The following PCDHA5 variants were observed in gnomAD, a reference collection of about 807,000 sequenced individuals.
The protein encoded by PCDHA5 is protocadherin alpha-5.
In PCDHA5, 43 loss-of-function variants were observed where a neutral mutation model predicts 61.6. The ratio of observed to expected loss-of-function variants is 0.70; its 90% CI spans 0.55 to 0.90. PCDHA5 has a LOEUF of 0.90. Among genes scored for constraint, PCDHA5 ranks in the 40% least tolerant of loss-of-function variants. PCDHA5 has a pLI of 0.00. For missense variants in PCDHA5, 1,298 were observed against 1,222.7 expected (o/e 1.06, Z -0.92); for synonymous variants, 627 against 543.9 (o/e 1.15, Z -2.13).
chr5:140,857,949 G>A (rs1554150927), intron 1 of PCDHA5: 3 of 1,597,424 alleles, frequency 1.9e-6, no homozygotes, highest in Non-Finnish European at 2.6e-6. Flanking sequence ...AGTACGACGC[G>A]CGCTCTGGAT....
At chr5:140,841,792 G>A in intron 1 of PCDHA5, 1 of 1,613,916 alleles carries the variant, frequency 6.2e-7, no homozygotes, top group Non-Finnish European at 8.5e-7. Flanking sequence ...TAGAGGGCGC[G>A]TCCGATGCAG....
At chr5:141,004,843 A>G (rs2098184369) in intron 3 of PCDHA5, among the ~76,000 whole-genome samples, 1 of 152,230 alleles carries the variant, frequency 6.6e-6, no homozygotes, top group African/African-American at 2.4e-5. Context: ...CAAAGTCATT[A>G]GTCTCAGAGA....
At position 140,875,798 on chromosome 5, in the gene PCDHA5, T is replaced by C. The variant is rs377753022; in HGVS notation, c.2352+51671T>C. On this transcript the variant is annotated intron_variant, in intron 1 of 3. Coordinates refer to ENST00000529859, the MANE Select transcript of PCDHA5 (RefSeq NM_018908.3). ...GAGTGCAGTATCCACCTGGAGGTGATCGTGGACAGGCCGCTGCAGGTTTTC... is the reference window on the plus strand; with the variant it reads ...GAGTGCAGTATCCACCTGGAGGTGACCGTGGACAGGCCGCTGCAGGTTTTC... 1.5e-5 allele frequency: 24 copies of C among 1,614,138 alleles called. No individual in the cohort carries two copies. In the African/African-American group the frequency reaches 3.1e-4, roughly 21 times the overall value.
At chr5:140,852,799 C>A in intron 1 of PCDHA5, 3 of 976,698 alleles carry the variant, frequency 3.1e-6, no homozygotes, top group Non-Finnish European at 3.7e-6. Context: ...CTACAGATGT[C>A]ATTTGTCTCC....
rs2150255716 is a variant in PCDHA5 at position 140,836,221 on chromosome 5, C to T, written c.2352+12094C>T. ...GCGTGGCTTTCGTATGAGTTGCAAC[C>T]GGTGGCGGCCGGTGCGAGCATCCCG... On this transcript the variant is annotated intron_variant, in intron 1 of 3. Transcript: ENST00000529859. 9.9e-6 allele frequency: 16 copies of T among 1,613,802 alleles called. No homozygotes were observed. In the Admixed American group the frequency reaches 2.0e-4, roughly 20 times the overall value.
intron 1 of PCDHA5, among the ~76,000 whole-genome samples, chr5:140,901,744 A>G (rs781984509): frequency 1.3e-5 from 2 of 152,144 alleles, no homozygotes; most frequent in Non-Finnish European, 2.9e-5. Context: ...AAGAATGTCC[A>G]TGGTATTTTG....
intron 1 of PCDHA5, chr5:140,882,941 A>G (rs2059372388): frequency 6.2e-7 from 1 of 1,614,128 alleles, no homozygotes; most frequent in African/African-American, 1.3e-5. Context: ...GCTGACTGGC[A>G]CAGTTCAGCT....
chr5:140,850,864 C>T, intron 1 of PCDHA5: 1 of 1,593,486 alleles, frequency 6.3e-7, no homozygotes, highest in Non-Finnish European at 8.6e-7. Context: ...GGAGAACCCT[C>T]TGCTTCCTCA....
At position 140,849,854 on chromosome 5, in the gene PCDHA5, A is replaced by T. The variant is rs1431626107; in HGVS notation, c.2352+25727A>T. 3.8e-6 allele frequency: 6 copies of T among 1,598,364 alleles called. 1 individual carries two copies. Among genetic ancestry groups the T allele is most frequent in the East Asian group, 2.2e-5 (1 of 44,850 alleles). On this transcript the variant is annotated intron_variant, in intron 1 of 3. Coordinates refer to ENST00000529859, the MANE Select transcript of PCDHA5 (RefSeq NM_018908.3). ...TGGCCGACGTGAACGACAACGCACC[A>T]GCGTTCGCGCAGTCCGAGTACACGG...
chr5:140,897,281 C>T lies in PCDHA5; in HGVS notation c.2352+73154C>T, dbSNP rs1583262674. On this transcript the variant is annotated intron_variant, in intron 1 of 3. Coordinates refer to ENST00000529859, the MANE Select transcript of PCDHA5 (RefSeq NM_018908.3). ...ATGTGCCATGCTGGTGTGCTGCACC[C>T]ATTAACTCGTCATTTAGCATTAGGT... Among the ~76,000 whole-genome samples, 6 of 151,664 alleles carry T rather than the reference C, an allele frequency of 4.0e-5. No homozygotes were observed. In the South Asian group the frequency reaches 1.2e-3, roughly 32 times the overall value.
At chr5:140,850,949 A>C in intron 1 of PCDHA5, 1 of 1,501,564 alleles carries the variant, frequency 6.7e-7, no homozygotes, top group Non-Finnish European at 8.9e-7. Flanking sequence ...GATATTATCG[A>C]TTACTCCCAG....
chr5:140,855,992 T>A lies in PCDHA5; in HGVS notation c.2352+31865T>A, dbSNP rs2043714140. On this transcript the variant is annotated intron_variant, in intron 1 of 3. Transcript: ENST00000529859. ...AAGAAATAGGACAGAAAATGTCAGA[T>A]CGTATGTGCGTTCTAGACCGCTGAT... 1.6e-5 allele frequency: 24 copies of A among 1,492,840 alleles called. 4 individuals carry two copies. The highest frequency in any genetic ancestry group is 1.2e-4 in the South Asian group (9 of 76,326). 92.5% of individuals were successfully genotyped at this position (1,492,840 alleles called of 1,614,324 possible).
At position 140,843,090 on chromosome 5, in the gene PCDHA5, T is replaced by A; in HGVS notation, c.2352+18963T>A. The A allele has an allele frequency of 2.5e-6, 4 of 1,595,448 alleles. 1 individual carries two copies. The highest frequency in any genetic ancestry group is 3.4e-6 in the Non-Finnish European group (4 of 1,165,354). ...CCGCGGTCTGTGGGCGCGGGCCACGTGGTAGCGAAGGTGCGCGCAGTGGAC... is the reference window on the plus strand; with the variant it reads ...CCGCGGTCTGTGGGCGCGGGCCACGAGGTAGCGAAGGTGCGCGCAGTGGAC... On this transcript the variant is annotated intron_variant, in intron 1 of 3. Transcript: ENST00000529859.
At chr5:140,884,071 G>C (rs1425122045) in intron 1 of PCDHA5, 7 of 1,613,400 alleles carry the variant, frequency 4.3e-6, no homozygotes, top group African/African-American at 2.7e-5. Context: ...ACGCCGATTC[G>C]GGCTACAATG....
At chr5:140,943,316 A>G (rs1326467105) in intron 1 of PCDHA5, among the ~76,000 whole-genome samples, 3 of 151,868 alleles carry the variant, frequency 2.0e-5, no homozygotes, top group African/African-American at 4.8e-5. Context: ...ATTATTAGCA[A>G]TATTGTGTAG....
chr5:140,914,801 A>G (rs976508278), intron 1 of PCDHA5, among the ~76,000 whole-genome samples: 2 of 152,164 alleles, frequency 1.3e-5, no homozygotes, highest in African/African-American at 4.8e-5. Context: ...TTTTAAACTG[A>G]TGGCAACTTA....
At chr5:140,968,909 G>A (rs782304408) in intron 1 of PCDHA5, 7 of 1,614,172 alleles carry the variant, frequency 4.3e-6, no homozygotes, top group Non-Finnish European at 5.1e-6. Context: ...ATTAAGCACA[G>A]TGTCTTTTAT....
intron 1 of PCDHA5, chr5:140,851,060 C>T (rs2041943229): frequency 1.5e-6 from 2 of 1,374,418 alleles, no homozygotes; most frequent in Admixed American, 2.8e-5. Flanking sequence ...GTCTTGACTT[C>T]TAGTGAGAAT....
At chr5:140,892,445 T>C (rs1177566356) in intron 1 of PCDHA5, among the ~76,000 whole-genome samples, 1 of 152,214 alleles carries the variant, frequency 6.6e-6, no homozygotes, top group Non-Finnish European at 1.5e-5. Context: ...AAAATTTACA[T>C]GTATTCTTTA....
Sources: gnomAD v4.1 joint callset for allele counts (sites outside exome capture counted in the v4.1 genomes callset) on GRCh38, gnomAD v4.1.1 for gene constraint, MANE v1.5 for transcripts, NCBI Gene and HGNC (gene_info 2026-07-23, HGNC 2026-07-21) for gene names.